Variants in TMCO1 observed in about 807,000 individuals in gnomAD.
TMCO1 encodes calcium load-activated calcium channel.
A neutral mutation model predicts 29.3 loss-of-function variants in TMCO1; 29 were observed. The ratio of observed to expected loss-of-function variants is 0.99; its 90% CI spans 0.74 to 1.35. TMCO1 has a LOEUF of 1.35. Ranked by LOEUF, TMCO1 falls within the 40% of genes most tolerant of loss-of-function variation. The probability of loss-of-function intolerance (pLI) is 0.00; values close to 1 mark genes in which losing one functional copy is unlikely to be tolerated. For synonymous variants in TMCO1, 80 were observed against 77.1 expected (o/e 1.04, Z -0.20); for missense variants, 173 against 225.5 (o/e 0.77, Z 1.49).
intron 2 of TMCO1, among the ~76,000 whole-genome samples, chr1:165,767,838 C>T (rs1372559433): frequency 6.6e-6 from 1 of 152,120 alleles, no homozygotes; most frequent in East Asian, 1.9e-4. Flanking sequence ...TACCACCATA[C>T]CCAGCTAATT....
chr1:165,758,056 T>G (rs1652261743), intron 3 of TMCO1, among the ~76,000 whole-genome samples: 1 of 152,166 alleles, frequency 6.6e-6, no homozygotes, highest in Admixed American at 6.5e-5. Flanking sequence ...ATCTATATGA[T>G]CTGGCTTCTG....
At chr1:165,746,192 C>G (rs2101801256) in intron 5 of TMCO1, among the ~76,000 whole-genome samples, 1 of 151,872 alleles carries the variant, frequency 6.6e-6, no homozygotes, top group Middle Eastern at 3.4e-3. Context: ...GCCTGTAGTC[C>G]CAGCTACTTG....
chr1:165,763,500 A>G (rs1652467219), intron 2 of TMCO1, among the ~76,000 whole-genome samples: 1 of 152,262 alleles, frequency 6.6e-6, no homozygotes, highest in South Asian at 2.1e-4. Flanking sequence ...TAAGACCACA[A>G]GAAATGCCAT....
intron 5 of TMCO1, among the ~76,000 whole-genome samples, chr1:165,745,705 G>A (rs764037720): frequency 6.6e-6 from 1 of 152,000 alleles, no homozygotes; most frequent in Non-Finnish European, 1.5e-5. Context: ...AATAACTTTT[G>A]TCCAATATAA....
chr1:165,724,986 TTCTCTC>T (rs61515012), downstream of TMCO1: 18,096 of 371,362 alleles, frequency 0.049, 155 homozygotes, highest in South Asian at 0.1. Context: ...TATTCTCTCT[TTCTCTC>T]TCTCTCTCTC....
At chr1:165,731,830 T>C (rs893258584) in intron 6 of TMCO1, among the ~76,000 whole-genome samples, 1 of 152,260 alleles carries the variant, frequency 6.6e-6, no homozygotes, top group African/African-American at 2.4e-5. Flanking sequence ...TCCTTTACTC[T>C]ATACTTTCCT....
Position 165,768,313 on chromosome 1 carries a change from T to C in TMCO1, c.71-44A>G, listed in dbSNP as rs1225961398. The C allele has an allele frequency of 1.9e-6, 3 of 1,577,960 alleles. No individual in the cohort carries two copies. The Admixed American group carries it at 5.0e-5, about 26-fold the overall frequency. On this transcript the variant is annotated intron_variant, in intron 1 of 6. Coordinates refer to ENST00000367881, the MANE Select transcript of TMCO1 (RefSeq NM_019026.6). ...CATGTTAATAGAGAAATGACTGGAA[T>C]GATCACAACAAACAAAGTGGTTACT...
intron 3 of TMCO1, among the ~76,000 whole-genome samples, chr1:165,757,417 T>C (rs181118993): frequency 7.9e-5 from 12 of 152,364 alleles, no homozygotes; most frequent in African/African-American, 2.4e-4. Flanking sequence ...AGAGAATGGA[T>C]AGATCATCTT....
chr1:165,745,514 G>A (rs1459934020), intron 5 of TMCO1, among the ~76,000 whole-genome samples: 1 of 150,244 alleles, frequency 6.7e-6, no homozygotes, highest in African/African-American at 2.4e-5. Context: ...ACGTGTCATG[G>A]TGCATGTCTG....
intron 3 of TMCO1, chr1:165,755,117 T>C (rs1013970605): frequency 1.3e-5 from 2 of 152,142 alleles, no homozygotes; most frequent in East Asian, 3.8e-4. Context: ...ATGCAAAAGA[T>C]ACATTTATAT....
At chr1:165,747,264 T>C (rs1651832765) in intron 5 of TMCO1, among the ~76,000 whole-genome samples, 1 of 57,534 alleles carries the variant, frequency 1.7e-5, no homozygotes, top group African/African-American at 8.3e-5. Context: ...TGAGGCTCTG[T>C]CTCAAAAAAA....
chr1:165,750,643 T>C (rs1319195168), intron 5 of TMCO1, among the ~76,000 whole-genome samples: 1 of 152,184 alleles, frequency 6.6e-6, no homozygotes, highest in Admixed American at 6.5e-5. Flanking sequence ...ATATATCATG[T>C]TTTAAAAATT....
intron 4 of TMCO1, among the ~76,000 whole-genome samples, chr1:165,753,352 A>C (rs1048625584): frequency 7.2e-5 from 11 of 151,930 alleles, no homozygotes; most frequent in Admixed American, 1.3e-4. Flanking sequence ...ACACGCCTGT[A>C]ATCCCAGCTA....
At position 165,768,341 on chromosome 1, in the gene TMCO1, TGGAGAA is replaced by T. The variant is rs1407766113; in HGVS notation, c.71-78_71-73del. On this transcript the variant is annotated intron_variant, in intron 1 of 6. Transcript: ENST00000367881. ...TCACAACAAACAAAGTGGTTACTGT[TGGAGAA>T]GGAGGAATTCCAACTTTTCGCTTTG... The T allele has an allele frequency of 7.1e-6, 11 of 1,548,528 alleles. No homozygotes were observed. In the African/African-American group the frequency reaches 1.5e-4, roughly 21 times the overall value.
chr1:165,749,339 T>A (rs1341178249), intron 5 of TMCO1, among the ~76,000 whole-genome samples: 2 of 152,174 alleles, frequency 1.3e-5, no homozygotes, highest in African/African-American at 4.8e-5. Context: ...CTGGTTAAGA[T>A]CCACTGCCTA....
At chr1:165,751,079 A>C (rs1651977402) in intron 5 of TMCO1, among the ~76,000 whole-genome samples, 1 of 152,158 alleles carries the variant, frequency 6.6e-6, no homozygotes, top group Admixed American at 6.5e-5. Context: ...GAACAACAAC[A>C]ACAAAAAGAT....
At chr1:165,741,246 C>T (rs1464447900) in intron 6 of TMCO1, among the ~76,000 whole-genome samples, 1 of 152,162 alleles carries the variant, frequency 6.6e-6, no homozygotes. Context: ...CAGCTGGTTT[C>T]CCCTTCTATT....
chr1:165,767,657 T>C (rs946094679), intron 2 of TMCO1, among the ~76,000 whole-genome samples: 2 of 152,206 alleles, frequency 1.3e-5, no homozygotes, highest in South Asian at 4.1e-4. Context: ...AAGGCTACCA[T>C]GGTTCCTCAC....
At chr1:165,741,189 C>A (rs536669733) in intron 6 of TMCO1, among the ~76,000 whole-genome samples, 7 of 152,292 alleles carry the variant, frequency 4.6e-5, no homozygotes, top group African/African-American at 1.7e-4. Flanking sequence ...ACCTGAAAGT[C>A]CTCTTAGTTT....
Sources: gnomAD v4.1 joint callset for allele counts (sites outside exome capture counted in the v4.1 genomes callset) on GRCh38, gnomAD v4.1.1 for gene constraint, MANE v1.5 for transcripts, NCBI Gene and HGNC (gene_info 2026-07-23, HGNC 2026-07-21) for gene names.